Variants in GALNS observed in about 807,000 individuals in gnomAD.
GALNS encodes the protein galactosamine (N-acetyl)-6-sulfatase.
Under a neutral mutation model 65.9 loss-of-function variants are expected in GALNS, and 65 were observed. The observed-to-expected ratio is 0.99, with a 90% CI of 0.81 to 1.21. The LOEUF is 1.21. Ranked by LOEUF, GALNS falls within the 50% of genes most tolerant of loss-of-function variation. GALNS has a pLI of 0.00. For synonymous variants in GALNS, 346 were observed against 288.9 expected, an observed-to-expected ratio of 1.20 and a Z score of -2.00; for missense variants, 776 against 700.7, an observed-to-expected ratio of 1.11 and a Z score of -1.21.
At chr16:88,822,451 G>T in intron 12 of GALNS, 138 bp downstream of exon 12, 2 of 1,153,992 alleles carry the variant, frequency 1.7e-6, no homozygotes, top group Non-Finnish European at 1.3e-6. Context: ...AAGCACGTGT[G>T]GGTATGAATA....
intron 13 of GALNS, chr16:88,816,873 C>T (rs1237989993): frequency 2.8e-5 from 28 of 985,328 alleles, no homozygotes; most frequent in Admixed American, 6.1e-5. Context: ...GAATCCTGCG[C>T]GGCAGATCCA....
At chr16:88,829,348 A>C (rs555626853) in intron 9 of GALNS, among the ~76,000 whole-genome samples, 2 of 152,282 alleles carry the variant, frequency 1.3e-5, no homozygotes, top group South Asian at 4.1e-4. Context: ...GGCACCCCAC[A>C]CCACAAAGGA....
chr16:88,832,976 G>A (rs1011919108), intron 8 of GALNS, among the ~76,000 whole-genome samples: 1 of 151,274 alleles, frequency 6.6e-6, no homozygotes, highest in East Asian at 1.9e-4. Flanking sequence ...TACTCAGGAG[G>A]CTGAGGTGGG....
intron 12 of GALNS, among the ~76,000 whole-genome samples, chr16:88,822,198 C>G (rs1910299957): frequency 6.6e-6 from 1 of 152,142 alleles, no homozygotes; most frequent in African/African-American, 2.4e-5. Context: ...GCCCAGAGAG[C>G]AGAGGGTGGA....
At chr16:88,841,238 G>A (rs920317799) in intron 3 of GALNS, 144 bp from the exon 4 acceptor site, 5 of 712,854 alleles carry the variant, frequency 7.0e-6, no homozygotes, top group Admixed American at 4.2e-5. Context: ...TGGGGGCTGC[G>A]CGTCCACAGG....
chr16:88,841,573 C>A (rs950566465), intron 3 of GALNS, among the ~76,000 whole-genome samples: 4 of 152,240 alleles, frequency 2.6e-5, no homozygotes, highest in African/African-American at 9.6e-5. Flanking sequence ...CAGAACATTC[C>A]AGAACTGCCG....
At position 88,821,636 on chromosome 16, in the gene GALNS, C is replaced by T. The variant is rs781434950; in HGVS notation, c.1364+953G>A. Among the ~76,000 whole-genome samples, 55 of 152,330 alleles carry T rather than the reference C, an allele frequency of 3.6e-4. No homozygotes were observed. In the Middle Eastern group the frequency reaches 0.01, roughly 28 times the overall value. ...CCCCGTGGGAAGGCGGCTGCCCCGT[C>T]CAGAGGGTGCAGGAGCCTCAGGGCA... On this transcript the variant is annotated intron_variant, in intron 12 of 13. Coordinates refer to ENST00000268695, the MANE Select transcript of GALNS (RefSeq NM_000512.5).
intron 13 of GALNS, chr16:88,817,032 C>A: frequency 1.0e-6 from 1 of 985,432 alleles, no homozygotes; most frequent in South Asian, 4.7e-5. Flanking sequence ...TCGTTTTTGC[C>A]GACTAGAGCG....
At position 88,835,359 on chromosome 16, in the gene GALNS, G is replaced by T. The variant is rs1345100131; in HGVS notation, c.759-7C>A. On this transcript the variant is annotated splice_region_variant and splice_polypyrimidine_tract_variant and intron_variant, in intron 7 of 13. Transcript: ENST00000268695. ...CCGGACGGCGTCTCCATACCTGCAGGATGGTGACAAAAGGCATCTCCATAC... is the reference window on the plus strand; with the variant it reads ...CCGGACGGCGTCTCCATACCTGCAGTATGGTGACAAAAGGCATCTCCATAC... The T allele has an allele frequency of 1.2e-6, 2 of 1,613,524 alleles. No homozygotes were observed.
At chr16:88,852,890 G>A (rs1967573683) in intron 1 of GALNS, among the ~76,000 whole-genome samples, 1 of 152,166 alleles carries the variant, frequency 6.6e-6, no homozygotes, top group South Asian at 2.1e-4. Context: ...AGTAGTTTGA[G>A]GCTGCAGTGA....
At chr16:88,815,932 C>T in intron 13 of GALNS, 2 of 985,472 alleles carry the variant, frequency 2.0e-6, no homozygotes, top group Non-Finnish European at 2.4e-6. Flanking sequence ...CACTCCCTCT[C>T]CTCTGTGCCA....
intron 4 of GALNS, among the ~76,000 whole-genome samples, chr16:88,839,816 T>C (rs1354754858): frequency 6.6e-6 from 1 of 152,170 alleles, no homozygotes; most frequent in Non-Finnish European, 1.5e-5. Context: ...GGAGACCCAC[T>C]CCCTGTCTAG....
intron 1 of GALNS, among the ~76,000 whole-genome samples, chr16:88,851,094 G>A (rs8062286): frequency 0.36 from 54,283 of 152,060 alleles, 11,035 homozygotes; most frequent in East Asian, 0.6. Flanking sequence ...ATTATTTATC[G>A]GCGCCTTTCT....
In GALNS at chr16:88,837,748, G is replaced by A. The variant is rs780393705; in HGVS notation, c.440C>T (p.Pro147Leu). The change falls in exon 5 of 14, where the codon CCC (proline) becomes CTC (leucine). Residue 147 changes from proline to leucine, a missense_variant. Transcript: ENST00000268695. The part of the protein sequence containing the change: ...IVGKWHLGHR[P>L]QFHPLKHGFD... ...TCCGTGCTTCAGGGGGTGGAACTGG[G>A]GCCTGTGACCCAGATGCCTGGAAAC... is the stretch of plus-strand genomic sequence containing the variant. The A allele has an allele frequency of 6.2e-7, 1 of 1,613,992 alleles. No homozygotes were observed. The highest frequency in any genetic ancestry group is 1.1e-5 in the South Asian group (1 of 91,086).
In GALNS at chr16:88,837,842, C is replaced by G. The variant is rs575487809; in HGVS notation, c.423-77G>C. 3.1e-5 allele frequency: 47 copies of G among 1,498,686 alleles called. No homozygotes were observed. In the African/African-American group the frequency reaches 6.3e-4, roughly 20 times the overall value. The allele number at this position is 1,498,686 out of a possible 1,614,324, so 92.8% of individuals were successfully genotyped here. A position where few individuals can be genotyped will look rare whatever the true frequency, so the allele number is the denominator to read the frequency against. ...AAGTTCTGAGCAGCAACAGATACCACCTTCACAAAATTCTTGGTAAGACGA... is the reference window on the plus strand; with the variant it reads ...AAGTTCTGAGCAGCAACAGATACCAGCTTCACAAAATTCTTGGTAAGACGA... On this transcript the variant is annotated intron_variant, in intron 4 of 13. Coordinates refer to ENST00000268695, the MANE Select transcript of GALNS (RefSeq NM_000512.5).
In GALNS at chr16:88,826,780, C is replaced by T. The variant is rs749124095; in HGVS notation, c.1061G>A (p.Gly354Asp). Reference protein sequence around the residue: ...DLFTTSLALAGLTPPSDRAID... With the variant: ...DLFTTSLALADLTPPSDRAID... ...GGCCCTGTCGCTGGGCGGCGTCAGGCCCGCAAGGGCCAGGCTGGTGGTGAA... is the reference window on the plus strand; with the variant it reads ...GGCCCTGTCGCTGGGCGGCGTCAGGTCCGCAAGGGCCAGGCTGGTGGTGAA... Residue 354 changes from glycine (G) to aspartate (D), a missense_variant, in exon 10 of 14, where the codon GGC becomes GAC. Coordinates refer to ENST00000268695, the MANE Select transcript of GALNS (RefSeq NM_000512.5). 3.7e-6 allele frequency: 6 copies of T among 1,604,646 alleles called. No individual in the cohort carries two copies.
intron 12 of GALNS, among the ~76,000 whole-genome samples, chr16:88,818,985 A>G (rs1055882604): frequency 7.2e-5 from 11 of 152,172 alleles, no homozygotes; most frequent in African/African-American, 2.4e-4. Context: ...CGGGGTTACC[A>G]GGTGAGTCAG....
rs1161508730 is a variant in GALNS, at chr16:88,856,220, TC to T, written c.120+537del. 1.8e-5 allele frequency: 13 copies of T among 702,872 alleles called. No individual in the cohort carries two copies. The East Asian group carries it at 3.5e-4, about 19-fold the overall frequency. 43.5% of individuals were successfully genotyped at this position (702,872 alleles called of 1,614,324 possible). On this transcript the variant is annotated intron_variant, in intron 1 of 13. Coordinates refer to ENST00000268695, the MANE Select transcript of GALNS (RefSeq NM_000512.5). ...GGGACACCTGACCTTCGCTCAGCAT[TC>T]TCCAGAGGACAGAGACAGCCGTCAG...
At chr16:88,815,181 C>T (rs1000610275) in intron 13 of GALNS, 62 of 985,374 alleles carry the variant, frequency 6.3e-5, no homozygotes, top group Middle Eastern at 5.2e-4. Flanking sequence ...CCTCTTGACT[C>T]GGCCTCTCAG....
Sources: gnomAD v4.1 joint callset for allele counts (sites outside exome capture counted in the v4.1 genomes callset) on GRCh38, gnomAD v4.1.1 for gene constraint, MANE v1.5 for transcripts, NCBI Gene and HGNC (gene_info 2026-07-23, HGNC 2026-07-21) for gene names.